The following NBPF26 variants were observed in gnomAD, a reference collection of about 807,000 sequenced individuals.
NBPF26 encodes NBPF member 26, also known as NBPF family member NBPF26.
Under a neutral mutation model 119.6 loss-of-function variants are expected in NBPF26, and 79 were observed. That is an observed-to-expected ratio of 0.66 (90% CI 0.55 to 0.80). NBPF26 has a LOEUF of 0.80. Ranked by LOEUF, NBPF26 falls within the 30% of genes least tolerant of loss-of-function variation. The pLI, the probability that NBPF26 is intolerant of heterozygous loss-of-function variation, is 0.00. For missense variants in NBPF26, 800 were observed against 1,198.2 expected, an observed-to-expected ratio of 0.67 and a Z score of 4.91; for synonymous variants, 299 against 457.7, an observed-to-expected ratio of 0.65 and a Z score of 4.43.
chr1:120,840,393 C>T lies in NBPF26; in HGVS notation c.4147C>T (p.Gln1383Ter). 9 of 1,463,868 alleles carry T rather than the reference C, an allele frequency of 6.1e-6. 1 individual carries two copies. The highest frequency in any genetic ancestry group is 7.4e-6 in the Non-Finnish European group (8 of 1,085,658). The allele number at this position is 1,463,868 out of a possible 1,614,324, so 90.7% of individuals were successfully genotyped here. Reference sequence around the variant, plus strand: ...GGAAGTGGAAGAGCCTGAAGTCTTGCAGGACTCACTGGATATATGTTATTC... The same window carrying T: ...GGAAGTGGAAGAGCCTGAAGTCTTGTAGGACTCACTGGATATATGTTATTC... Residue 1383 changes from glutamine (Q) to a stop codon, truncating the protein, a stop_gained, in exon 30 of 30, where the codon CAG becomes TAG. Coordinates refer to ENST00000620612, the Ensembl canonical transcript of NBPF26. LOFTEE classifies it low-confidence loss of function (END_TRUNC).
At chr1:120,728,811 G>A (rs1650843798) in intron 1 of NBPF26, among the ~76,000 whole-genome samples, 1 of 109,972 alleles carries the variant, frequency 9.1e-6, no homozygotes, top group East Asian at 2.2e-4. Flanking sequence ...AAGTATATTT[G>A]CTTTTTTTTT....
At chr1:120,840,755 C>T (rs1435962113), downstream of NBPF26, 11 of 1,102,762 alleles carry the variant, frequency 1.0e-5, 3 homozygotes, top group Admixed American at 2.9e-4. Context: ...GCAACCTGTG[C>T]TCAGTCTGAA....
Position 120,735,376 on chromosome 1 carries a change from A to C in NBPF26, c.73+11126A>C, listed in dbSNP as rs1465464925. On this transcript the variant is annotated intron_variant, in intron 1 of 29. Transcript: ENST00000620612. ...CACCGTGCCTGGTCCTTGCAGCTTGATTTTTTAAACATCAGATTTTTTTTT... is the reference window on the plus strand; with the variant it reads ...CACCGTGCCTGGTCCTTGCAGCTTGCTTTTTTAAACATCAGATTTTTTTTT... Among the ~76,000 whole-genome samples, 17 of 89,772 alleles carry C rather than the reference A, an allele frequency of 1.9e-4. 5 individuals are homozygous for C. The highest frequency in any genetic ancestry group is 3.2e-4 in the Non-Finnish European group (16 of 50,688). The allele number at this position is 89,772 out of a possible 152,430, so 58.9% of individuals were successfully genotyped here.
At chr1:120,817,701 CT>C (rs2101526008) in intron 14 of NBPF26, among the ~76,000 whole-genome samples, 2 of 83,754 alleles carry the variant, frequency 2.4e-5, no homozygotes, top group South Asian at 7.2e-4. Flanking sequence ...ATCACAGATT[CT>C]TTTTAAAGCA....
chr1:120,778,168 T>G, intron 2 of NBPF26, among the ~76,000 whole-genome samples: 1 of 81,890 alleles, frequency 1.2e-5, no homozygotes, highest in East Asian at 2.9e-4. Context: ...CCTTTCAAAC[T>G]GCAGACCTTT....
At position 120,805,675 on chromosome 1, in the gene NBPF26, C is replaced by G. The variant is rs1363048400; in HGVS notation, c.871C>G (p.Pro291Ala). The G allele has an allele frequency of 0.026, 38,363 of 1,456,776 alleles. 10,038 individuals are homozygous for G. The African/African-American group carries it at 0.27, about 10-fold the overall frequency. The allele number at this position is 1,456,776 out of a possible 1,614,324, so 90.2% of individuals were successfully genotyped here. A position where few individuals can be genotyped will look rare whatever the true frequency, so the allele number is the denominator to read the frequency against. Residue 291 changes from proline to alanine, a missense_variant, in exon 5 of 30, where the codon CCA (proline) becomes GCA (alanine). Around this residue, in one of 13 missense-constraint regions of NBPF26, gnomAD observed 155 missense variants for 143.7 expected, o/e 1.08. Transcript: ENST00000620612. ...CAACGAGACATTGCGCCCCCAGCTG[C>G]CAGAGAACAAACAGCAGTTGAGAAA...
rs1438430459 is a variant in NBPF26, at chr1:120,726,739, CTTA to C, written c.73+2495_73+2497del. On this transcript the variant is annotated intron_variant, in intron 1 of 29. Coordinates refer to ENST00000620612, the Ensembl canonical transcript of NBPF26. ...CTAAAACTATTTTTCCTTTCACTTT[CTTA>C]TTATTCCTTTTTTTTTGGTGTGGTG... 3.7e-5 allele frequency among the ~76,000 whole-genome samples: 4 copies of C among 109,124 alleles called. 2 individuals are homozygous for C. Among genetic ancestry groups the C allele is most frequent in the African/African-American group, 2.3e-4 (4 of 17,418 alleles). The allele number at this position is 109,124 out of a possible 152,430, so 71.6% of individuals were successfully genotyped here.
intron 12 of NBPF26, 144 bp downstream of exon 12, chr1:120,815,187 G>A: frequency 3.1e-6 from 2 of 642,832 alleles, no homozygotes; most frequent in East Asian, 5.6e-5. Flanking sequence ...GACTTCTTGG[G>A]TAAGAACAGA....
chr1:120,724,314 T>A, intron 1 of NBPF26, 64 bp downstream of exon 1: 2 of 1,359,998 alleles, frequency 1.5e-6, no homozygotes, highest in Non-Finnish European at 1.9e-6. Context: ...GCGACCCTTC[T>A]CCCCCTCAGT....
rs1650788792 is a variant in NBPF26 at position 120,724,250 on chromosome 1, G to C, written c.73G>C (p.Ala25Pro). ...GCTGTGCTGGGCGGCCCCCGCGCATGGTGAGTATCGGGCTGAGGGGCGCTG... is the reference window on the plus strand; with the variant it reads ...GCTGTGCTGGGCGGCCCCCGCGCATCGTGAGTATCGGGCTGAGGGGCGCTG... Residue 25 changes from alanine (A) to proline (P), a missense_variant and splice_region_variant, in exon 1 of 30, where the codon GCA becomes CCA. Ala to Pro is a conservative substitution (Grantham distance 27). Around this residue, in one of 13 missense-constraint regions of NBPF26, gnomAD observed 209 missense variants for 285.2 expected, o/e 0.73. Transcript: ENST00000620612. The C allele has an allele frequency of 9.3e-6, 13 of 1,399,632 alleles. 2 individuals carry two copies. Among genetic ancestry groups the C allele is most frequent in the Non-Finnish European group, 1.9e-6 (2 of 1,067,164 alleles). The allele number at this position is 1,399,632 out of a possible 1,614,324, so 86.7% of individuals were successfully genotyped here.
intron 3 of NBPF26, among the ~76,000 whole-genome samples, chr1:120,789,875 A>T (rs1368328430): frequency 1.4e-4 from 8 of 56,458 alleles, no homozygotes; most frequent in Non-Finnish European, 2.1e-4. Context: ...AAAATATTTC[A>T]ATTCTGGCTA....
At position 120,840,262 on chromosome 1, in the gene NBPF26, A is replaced by G. The variant is rs1557993986; in HGVS notation, c.4104-88A>G. ...GATCTATCCTTTTTCTTTTCTAACC[A>G]CTTCCTTATGTTACTTCTGAAATCT... On this transcript the variant is annotated intron_variant, in intron 29 of 29. Transcript: ENST00000620612. The G allele has an allele frequency of 2.8e-6, 4 of 1,429,178 alleles. 1 individual carries two copies. The highest frequency in any genetic ancestry group is 1.9e-6 in the Non-Finnish European group (2 of 1,075,850). 88.5% of individuals were successfully genotyped at this position (1,429,178 alleles called of 1,614,324 possible). A position where few individuals can be genotyped will look rare whatever the true frequency, so the allele number is the denominator to read the frequency against.
rs1651815715 is a variant in NBPF26 at position 120,809,897 on chromosome 1, C to T, written c.1352+14C>T. Reference sequence around the variant, plus strand: ...ATCTGCCCCCAGGTAACACTGAATACTCAGGAGCAAGTAATGGGTGGTAAC... The same window carrying T: ...ATCTGCCCCCAGGTAACACTGAATATTCAGGAGCAAGTAATGGGTGGTAAC... On this transcript the variant is annotated intron_variant, in intron 8 of 29. Transcript: ENST00000620612. 2.0e-6 allele frequency: 3 copies of T among 1,511,386 alleles called. No individual in the cohort carries two copies. The highest frequency in any genetic ancestry group is 2.7e-6 in the Non-Finnish European group (3 of 1,117,838). 93.6% of individuals were successfully genotyped at this position (1,511,386 alleles called of 1,614,324 possible). A position where few individuals can be genotyped will look rare whatever the true frequency, so the allele number is the denominator to read the frequency against.
chr1:120,790,781 G>T (rs1651484385), intron 3 of NBPF26, among the ~76,000 whole-genome samples: 1 of 107,254 alleles, frequency 9.3e-6, no homozygotes, highest in South Asian at 2.7e-4. Flanking sequence ...TGTATTTTTA[G>T]AAAAGATGGC....
rs1468339923 is a variant in NBPF26, at chr1:120,819,362, C to T, written c.2423+1188C>T. Among the ~76,000 whole-genome samples, 6 of 111,664 alleles carry T rather than the reference C, an allele frequency of 5.4e-5. 2 individuals are homozygous for T. The highest frequency in any genetic ancestry group is 3.2e-4 in the African/African-American group (6 of 18,882). The allele number at this position is 111,664 out of a possible 152,430, so 73.3% of individuals were successfully genotyped here. A position where few individuals can be genotyped will look rare whatever the true frequency, so the allele number is the denominator to read the frequency against. Reference sequence around the variant, plus strand: ...TCTTCCTCCATCCCTTTATTTTGAGCCTATGTGTGTCTCTGCATGTGAGAT... The same window carrying T: ...TCTTCCTCCATCCCTTTATTTTGAGTCTATGTGTGTCTCTGCATGTGAGAT... On this transcript the variant is annotated intron_variant, in intron 15 of 29. Transcript: ENST00000620612.
intron 14 of NBPF26, among the ~76,000 whole-genome samples, chr1:120,817,559 G>A (rs1477182259): frequency 2.0e-5 from 1 of 50,038 alleles, no homozygotes; most frequent in East Asian, 3.7e-4. Flanking sequence ...CTCCTGAGTT[G>A]CTGGGACCAC....
Position 120,817,289 on chromosome 1 carries a change from C to T in NBPF26, c.2371+462C>T, listed in dbSNP as rs1389745365. Among the ~76,000 whole-genome samples the T allele has an allele frequency of 1.8e-5, 2 of 112,056 alleles. 1 individual carries two copies. The highest frequency in any genetic ancestry group is 3.4e-5 in the Non-Finnish European group (2 of 59,426). The allele number at this position is 112,056 out of a possible 152,430, so 73.5% of individuals were successfully genotyped here. ...TCAGCTTGCTTAGCTGCACAGTCAC[C>T]CTGAAATCAGGACAGAAACTTTTCT... On this transcript the variant is annotated intron_variant, in intron 14 of 29. Coordinates refer to ENST00000620612, the Ensembl canonical transcript of NBPF26.
chr1:120,806,314 G>A (rs1330801239), intron 5 of NBPF26, among the ~76,000 whole-genome samples: 1 of 115,886 alleles, frequency 8.6e-6, no homozygotes, highest in East Asian at 2.0e-4. Flanking sequence ...GGGAGTAGGG[G>A]CCGTGCAACG....
At position 120,759,477 on chromosome 1, in the gene NBPF26, C is replaced by CT. The variant is rs1372678243; in HGVS notation, c.74-4144dup. 7.6e-5 allele frequency among the ~76,000 whole-genome samples: 5 copies of CT among 66,030 alleles called. 2 individuals carry two copies. The highest frequency in any genetic ancestry group is 7.2e-4 in the African/African-American group (5 of 6,928). 43.3% of individuals were successfully genotyped at this position (66,030 alleles called of 152,430 possible). ...ATTCTCTATGGTATGATTAATGTTTCTTTTTTTACTTTATAAGCATGAAGC... is the reference window on the plus strand; with the variant it reads ...ATTCTCTATGGTATGATTAATGTTTCTTTTTTTTACTTTATAAGCATGAAGC... On this transcript the variant is annotated intron_variant, in intron 1 of 29. Coordinates refer to ENST00000620612, the Ensembl canonical transcript of NBPF26.
Sources: allele counts gnomAD v4.1 joint callset (sites outside exome capture counted in the v4.1 genomes callset), GRCh38; gene constraint gnomAD v4.1.1; regional missense constraint gnomAD v4.1.1; transcripts MANE v1.5; gene names NCBI Gene and HGNC (gene_info 2026-07-23, HGNC 2026-07-21).